The following STK31 variants were observed in gnomAD, a reference collection of about 807,000 sequenced individuals.
STK31 encodes serine/threonine-protein kinase 31.
Under a neutral mutation model 129.7 loss-of-function variants are expected in STK31, and 89 were observed. The observed-to-expected ratio is 0.69, with a 90% CI of 0.58 to 0.82. STK31 has a LOEUF of 0.82. Among genes scored for constraint, STK31 ranks in the 40% least tolerant of loss-of-function variants. The probability of loss-of-function intolerance (pLI) is 0.00; values close to 1 mark genes in which losing one functional copy is unlikely to be tolerated. For synonymous variants in STK31, 448 were observed against 395.3 expected (o/e 1.13, Z -1.58); for missense variants, 1,187 against 1,176.4 (o/e 1.01, Z -0.13).
At chr7:23,793,333 TG>T (rs1437544652) in intron 22 of STK31, among the ~76,000 whole-genome samples, 1 of 152,194 alleles carries the variant, frequency 6.6e-6, no homozygotes, top group Non-Finnish European at 1.5e-5. Flanking sequence ...ACTTTCGATT[TG>T]GCAAAGATTT....
chr7:23,772,008 G>A (rs1490465874), intron 14 of STK31, 139 bp from the exon 15 acceptor site: 1 of 555,370 alleles, frequency 1.8e-6, no homozygotes, highest in Non-Finnish European at 2.9e-6. Context: ...TTGTCTTGTT[G>A]AAAATTATAG....
At chr7:23,802,814 G>A (rs1330162973) in intron 22 of STK31, among the ~76,000 whole-genome samples, 2 of 152,152 alleles carry the variant, frequency 1.3e-5, no homozygotes, top group African/African-American at 4.8e-5. Flanking sequence ...GCGCCTGGCT[G>A]CTTTTCCATG....
chr7:23,732,077 A>C (rs1001162988), intron 6 of STK31, among the ~76,000 whole-genome samples: 2 of 152,048 alleles, frequency 1.3e-5, no homozygotes, highest in Non-Finnish European at 2.9e-5. Context: ...CGGAGGCTGA[A>C]GTGGGTGGAT....
chr7:23,787,049 A>C (rs1228898402), intron 20 of STK31, 125 bp downstream of exon 20: 1 of 836,798 alleles, frequency 1.2e-6, no homozygotes, highest in Non-Finnish European at 1.9e-6. Flanking sequence ...TCTATTTGTC[A>C]CCTCAAGCCT....
At chr7:23,710,661 CGT>C (rs1785896700) in intron 1 of STK31, 1 of 1,143,826 alleles carries the variant, frequency 8.7e-7, no homozygotes, top group African/African-American at 1.6e-5. Flanking sequence ...CAGAGAGCTA[CGT>C]GTACCCGTTT....
At chr7:23,747,367 T>TTTTTTG (rs1788421001) in intron 8 of STK31, among the ~76,000 whole-genome samples, 1 of 150,488 alleles carries the variant, frequency 6.6e-6, no homozygotes, top group South Asian at 2.1e-4. Flanking sequence ...TTCAGATTAT[T>TTTTTTG]TTTTTATTTT....
In STK31 at chr7:23,753,422, A is replaced by G. The variant is rs561974099; in HGVS notation, c.1133+590A>G. ...GGTGTCATGTCCAGGATTGGTTCCT[A>G]CCTTAATGCTCTGAGCTGCTGAGAT... On this transcript the variant is annotated intron_variant, in intron 9 of 23. Transcript: ENST00000355870. Among the ~76,000 whole-genome samples, 196 of 152,300 alleles carry G rather than the reference A, an allele frequency of 1.3e-3. 1 individual carries two copies. The highest frequency in any genetic ancestry group is 4.4e-3 in the Admixed American group (67 of 15,290).
chr7:23,736,759 A>G (rs1432242764), intron 7 of STK31, 145 bp from the exon 8 acceptor site: 2 of 525,762 alleles, frequency 3.8e-6, no homozygotes, highest in East Asian at 3.4e-5. Flanking sequence ...TTATTTTTTA[A>G]TATTATGAAC....
chr7:23,725,069 C>G (rs1786971504), intron 4 of STK31, among the ~76,000 whole-genome samples: 1 of 152,158 alleles, frequency 6.6e-6, no homozygotes, highest in Non-Finnish European at 1.5e-5. Context: ...AATGGGCCTT[C>G]TCCCCTTCAG....
rs1197445115 is a variant in STK31 at position 23,737,987 on chromosome 7, C to T, written c.1017+909C>T. 2.0e-5 allele frequency among the ~76,000 whole-genome samples: 3 copies of T among 152,120 alleles called. No individual in the cohort carries two copies. In the East Asian group the frequency reaches 5.8e-4, roughly 29 times the overall value. On this transcript the variant is annotated intron_variant, in intron 8 of 23. Transcript: ENST00000355870. ...GTCTAATAATTCAGCTCCATTCTGA[C>T]ACTACATTACCTGTACTTAGCATAT...
At chr7:23,801,557 A>G (rs1296026030) in intron 22 of STK31, among the ~76,000 whole-genome samples, 1 of 151,946 alleles carries the variant, frequency 6.6e-6, no homozygotes, top group Non-Finnish European at 1.5e-5. Context: ...AGTTTAATTT[A>G]TTATTGTTTT....
intron 8 of STK31, among the ~76,000 whole-genome samples, chr7:23,749,120 T>C (rs1361446222): frequency 6.6e-6 from 1 of 152,226 alleles, no homozygotes; most frequent in Admixed American, 6.5e-5. Flanking sequence ...TTTGGTTCAT[T>C]CTTAGGATTT....
chr7:23,714,519 CATTTT>C (rs1368469246), intron 3 of STK31, among the ~76,000 whole-genome samples: 1 of 152,126 alleles, frequency 6.6e-6, no homozygotes, highest in Admixed American at 6.6e-5. Context: ...TTAATAAGTA[CATTTT>C]ATTTAACTCA....
At chr7:23,811,174 G>T in intron 22 of STK31, 1 of 174,152 alleles carries the variant, frequency 5.7e-6, no homozygotes, top group East Asian at 1.6e-4. Context: ...CATCCATAAA[G>T]AAAATCACAT....
chr7:23,762,118 G>A (rs185883895), intron 10 of STK31, among the ~76,000 whole-genome samples: 1 of 151,020 alleles, frequency 6.6e-6, no homozygotes, highest in East Asian at 1.9e-4. Flanking sequence ...TTACTTTTAG[G>A]GTACATGTGC....
chr7:23,729,143 A>T lies in STK31; in HGVS notation c.377A>T (p.Asp126Val), dbSNP rs1329708716. The T allele has an allele frequency of 6.2e-7, 1 of 1,612,052 alleles. No homozygotes were observed. The highest frequency in any genetic ancestry group is 8.5e-7 in the Non-Finnish European group (1 of 1,179,602). The change falls in exon 6 of 24, where the codon GAT becomes GTT. Residue 126 changes from aspartate to valine, a missense_variant. Asp to Val is a radical substitution (Grantham distance 152). Around this residue, in one of 5 missense-constraint regions of STK31, gnomAD observed 103 missense variants for 110.4 expected, o/e 0.93. Coordinates refer to ENST00000355870, the MANE Select transcript of STK31 (RefSeq NM_031414.5). Reference protein sequence around the residue: ...YGNTEILNRSDIVEIPLELQF... With the variant: ...YGNTEILNRSVIVEIPLELQF... ...AATACTGAAATTCTAAATCGATCTG[A>T]TATAGTTGAAATTCCTTTGGAGCTG...
At chr7:23,802,662 C>T (rs534577714) in intron 22 of STK31, among the ~76,000 whole-genome samples, 16 of 152,060 alleles carry the variant, frequency 1.1e-4, no homozygotes, top group Non-Finnish European at 2.2e-4. Flanking sequence ...TATAGGCACC[C>T]GCCACCACAC....
In STK31 at chr7:23,754,297, T is replaced by A; in HGVS notation, c.1134-18T>A. The A allele has an allele frequency of 6.3e-7, 1 of 1,599,102 alleles. No individual in the cohort carries two copies. The highest frequency in any genetic ancestry group is 8.5e-7 in the Non-Finnish European group (1 of 1,175,966). ...TCTAATTTATTGATCTTCTTCTTTT[T>A]GATGTTTTTAAAAATAGGCATGTCG... On this transcript the variant is annotated intron_variant, in intron 9 of 23. Coordinates refer to ENST00000355870, the MANE Select transcript of STK31 (RefSeq NM_031414.5).
intron 10 of STK31, among the ~76,000 whole-genome samples, chr7:23,759,301 C>G (rs148723482): frequency 6.6e-6 from 1 of 152,238 alleles, no homozygotes; most frequent in East Asian, 1.9e-4. Flanking sequence ...CTGCAGAACT[C>G]TCTACCCCAA....
Sources: gnomAD v4.1 joint callset for allele counts (sites outside exome capture counted in the v4.1 genomes callset) on GRCh38, gnomAD v4.1.1 for gene constraint, gnomAD v4.1.1 regional missense constraint, MANE v1.5 for transcripts, NCBI Gene and HGNC (gene_info 2026-07-23, HGNC 2026-07-21) for gene names.